Variants in MAST4 observed in about 807,000 individuals in gnomAD.
The protein encoded by MAST4 is microtubule associated serine/threonine kinase family member 4, also known as microtubule-associated serine/threonine-protein kinase 4.
A neutral mutation model predicts 162.7 loss-of-function variants in MAST4; 89 were observed. The ratio of observed to expected loss-of-function variants is 0.55; its 90% CI spans 0.46 to 0.65. The LOEUF (loss-of-function observed/expected upper bound fraction) is 0.65, where lower values mean the gene tolerates loss of function less well. Among genes scored for constraint, MAST4 ranks in the 30% least tolerant of loss-of-function variants. MAST4 has a pLI of 0.00. For synonymous variants in MAST4, 1,479 were observed against 1,361.1 expected, an observed-to-expected ratio of 1.09 and a Z score of -1.91; for missense variants, 3,153 against 3,374.0, an observed-to-expected ratio of 0.93 and a Z score of 1.62.
At chr5:67,146,081 T>G (rs190116692) in intron 23 of MAST4, among the ~76,000 whole-genome samples, 9 of 152,348 alleles carry the variant, frequency 5.9e-5, no homozygotes, top group African/African-American at 2.2e-4. Flanking sequence ...AGACAAAAGT[T>G]ACCTTCCCCA....
intron 4 of MAST4, among the ~76,000 whole-genome samples, chr5:66,938,823 A>C (rs1437722962): frequency 6.6e-6 from 1 of 152,236 alleles, no homozygotes; most frequent in African/African-American, 2.4e-5. Flanking sequence ...AAAAACCCAC[A>C]ACACATAAAC....
chr5:66,779,060 A>G (rs1428613080), intron 2 of MAST4, among the ~76,000 whole-genome samples: 2 of 152,228 alleles, frequency 1.3e-5, no homozygotes, highest in African/African-American at 4.8e-5. Flanking sequence ...GGCAAATTTT[A>G]TAGTTAGCAA....
chr5:66,723,234 C>G (rs1751323474), intron 1 of MAST4, among the ~76,000 whole-genome samples: 1 of 152,108 alleles, frequency 6.6e-6, no homozygotes, highest in Non-Finnish European at 1.5e-5. Flanking sequence ...AAGCCCTTGT[C>G]CAGAATGTTA....
chr5:66,626,332 A>G (rs1167117904), intron 1 of MAST4, among the ~76,000 whole-genome samples: 1 of 152,210 alleles, frequency 6.6e-6, no homozygotes, highest in Non-Finnish European at 1.5e-5. Context: ...TTTCCAAAGC[A>G]TCAAGTTGTA....
At chr5:67,010,888 A>T (rs1752589618) in intron 4 of MAST4, among the ~76,000 whole-genome samples, 1 of 152,034 alleles carries the variant, frequency 6.6e-6, no homozygotes, top group Non-Finnish European at 1.5e-5. Context: ...GGACTTGGAG[A>T]ACAGGGGTGG....
chr5:67,053,062 A>G (rs944256333), intron 4 of MAST4, among the ~76,000 whole-genome samples: 1 of 152,332 alleles, frequency 6.6e-6, no homozygotes, highest in East Asian at 1.9e-4. Flanking sequence ...TCAAAAGTCT[A>G]TTCTTATTAA....
chr5:67,121,327 G>A (rs1445200426), intron 14 of MAST4, among the ~76,000 whole-genome samples: 1 of 152,074 alleles, frequency 6.6e-6, no homozygotes, highest in Non-Finnish European at 1.5e-5. Context: ...GGGTTGGAGA[G>A]AAAGATTTTC....
chr5:67,129,703 G>T (rs1389890899), intron 14 of MAST4, among the ~76,000 whole-genome samples: 1 of 147,964 alleles, frequency 6.8e-6, no homozygotes, highest in South Asian at 2.2e-4. Flanking sequence ...TAGCCTGGGC[G>T]ACAGAGCAAG....
chr5:66,694,317 G>A (rs1354554008), intron 1 of MAST4, among the ~76,000 whole-genome samples: 5 of 152,112 alleles, frequency 3.3e-5, no homozygotes, highest in Admixed American at 3.3e-4. Context: ...CCTTTCAGTG[G>A]TTTCTGGCAG....
At chr5:67,116,784 A>G (rs1766973131) in intron 12 of MAST4, among the ~76,000 whole-genome samples, 1 of 152,076 alleles carries the variant, frequency 6.6e-6, no homozygotes, top group Admixed American at 6.5e-5. Flanking sequence ...CCATTGCACT[A>G]CAGTCTGAGC....
At chr5:66,655,275 A>G (rs913161690) in intron 1 of MAST4, among the ~76,000 whole-genome samples, 2 of 152,192 alleles carry the variant, frequency 1.3e-5, no homozygotes, top group South Asian at 2.1e-4. Context: ...TGGGATTTTC[A>G]TAGATGAATA....
intron 24 of MAST4, among the ~76,000 whole-genome samples, chr5:67,151,389 TA>T (rs1771787839): frequency 6.6e-6 from 1 of 152,152 alleles, no homozygotes; most frequent in South Asian, 2.1e-4. Context: ...GCCTCTTGTA[TA>T]AGGGCACTAA....
chr5:67,060,015 C>T (rs1759359784), intron 5 of MAST4, among the ~76,000 whole-genome samples: 1 of 152,196 alleles, frequency 6.6e-6, no homozygotes, highest in Non-Finnish European at 1.5e-5. Flanking sequence ...CACAACCACC[C>T]ATGGGGCTTT....
intron 3 of MAST4, among the ~76,000 whole-genome samples, chr5:66,809,359 A>G (rs929022467): frequency 2.6e-5 from 4 of 152,210 alleles, no homozygotes; most frequent in African/African-American, 9.7e-5. Context: ...TCACCATTAC[A>G]AATTCAGAAC....
intron 4 of MAST4, among the ~76,000 whole-genome samples, chr5:66,986,111 G>A (rs1749458569): frequency 5.9e-5 from 9 of 152,192 alleles, no homozygotes. Context: ...GATTAATTCT[G>A]TCTAATTCCA....
At chr5:66,678,796 AT>A (rs11311474) in intron 1 of MAST4, among the ~76,000 whole-genome samples, 89,639 of 146,212 alleles carry the variant, frequency 0.61, 27,372 homozygotes, top group South Asian at 0.7. Flanking sequence ...CCGGCCCCCA[AT>A]TTTTTTTTTT....
chr5:66,652,977 G>A (rs768337457), intron 1 of MAST4, among the ~76,000 whole-genome samples: 17 of 152,072 alleles, frequency 1.1e-4, no homozygotes, highest in Admixed American at 6.5e-5. Flanking sequence ...GGCCCCACGC[G>A]GTTCTGTCTG....
At chr5:67,004,076 C>G (rs1023342593) in intron 4 of MAST4, 1 of 152,218 alleles carries the variant, frequency 6.6e-6, no homozygotes, top group African/African-American at 2.4e-5. Flanking sequence ...GCCTCAGGTG[C>G]GCGCAGCACA....
At chr5:66,789,418 C>T (rs1231993007) in intron 3 of MAST4, among the ~76,000 whole-genome samples, 2 of 152,138 alleles carry the variant, frequency 1.3e-5, no homozygotes, top group Non-Finnish European at 2.9e-5. Flanking sequence ...AGTCTAGGGT[C>T]ATGTGTTGCA....
Sources: allele counts gnomAD v4.1 joint callset (sites outside exome capture counted in the v4.1 genomes callset), GRCh38; gene constraint gnomAD v4.1.1; transcripts MANE v1.5; gene names NCBI Gene and HGNC (gene_info 2026-07-23, HGNC 2026-07-21).